The following UBE2E3 variants were observed in gnomAD, a reference collection of about 807,000 sequenced individuals.
UBE2E3 encodes ubiquitin conjugating enzyme E2 E3.
Under a neutral mutation model 23.6 loss-of-function variants are expected in UBE2E3, and 5 were observed. The observed-to-expected ratio is 0.21, with a 90% CI of 0.11 to 0.44. The LOEUF (loss-of-function observed/expected upper bound fraction) is 0.44, where lower values mean the gene tolerates loss of function less well. Among genes scored for constraint, UBE2E3 ranks in the 20% least tolerant of loss-of-function variants. UBE2E3 has a pLI of 0.99. For missense variants in UBE2E3, 81 were observed against 249.8 expected, an observed-to-expected ratio of 0.32 and a Z score of 4.55; for synonymous variants, 78 against 87.5, an observed-to-expected ratio of 0.89 and a Z score of 0.60.
intron 3 of UBE2E3, among the ~76,000 whole-genome samples, chr2:181,007,855 A>ATT (rs1685200568): frequency 6.6e-6 from 1 of 152,236 alleles, no homozygotes. Context: ...AAGAAACTGA[A>ATT]TTTATAATTC....
At chr2:181,045,623 T>C (rs1009396650) in intron 3 of UBE2E3, among the ~76,000 whole-genome samples, 8 of 152,098 alleles carry the variant, frequency 5.3e-5, no homozygotes, top group Non-Finnish European at 1.2e-4. Context: ...TACATCAGAA[T>C]CTCTAGGGGT....
intron 3 of UBE2E3, among the ~76,000 whole-genome samples, chr2:180,997,253 A>AT (rs1043659547): frequency 1.4e-5 from 2 of 145,662 alleles, no homozygotes; most frequent in Non-Finnish European, 3.0e-5. Context: ...ATCTCTATTT[A>AT]TTTTTTTTCT....
chr2:181,013,565 A>G (rs890864492), intron 3 of UBE2E3, among the ~76,000 whole-genome samples: 1 of 151,298 alleles, frequency 6.6e-6, no homozygotes, highest in African/African-American at 2.4e-5. Flanking sequence ...AACTTCCTCT[A>G]GAGTAAGTGA....
chr2:180,997,396 T>A (rs888127712), intron 3 of UBE2E3, among the ~76,000 whole-genome samples: 1 of 152,140 alleles, frequency 6.6e-6, no homozygotes, highest in Non-Finnish European at 1.5e-5. Flanking sequence ...GTTTCTTTTT[T>A]GTTTTGTATG....
chr2:181,017,909 A>G (rs1388389646), intron 3 of UBE2E3, among the ~76,000 whole-genome samples: 1 of 151,340 alleles, frequency 6.6e-6, no homozygotes, highest in East Asian at 1.9e-4. Context: ...GAGGAATCCC[A>G]GCTTCATGTC....
chr2:181,035,544 A>G (rs1386701725), intron 3 of UBE2E3, among the ~76,000 whole-genome samples: 2 of 152,200 alleles, frequency 1.3e-5, no homozygotes, highest in African/African-American at 4.8e-5. Context: ...AAAGCATGCA[A>G]TGCTAAGCTC....
intron 3 of UBE2E3, among the ~76,000 whole-genome samples, chr2:180,988,735 T>A (rs1363154733): frequency 6.6e-6 from 1 of 152,170 alleles, no homozygotes; most frequent in Non-Finnish European, 1.5e-5. Flanking sequence ...TAACATGTGA[T>A]CCCTATATTA....
At chr2:180,993,178 G>A (rs925638413) in intron 3 of UBE2E3, among the ~76,000 whole-genome samples, 1 of 152,172 alleles carries the variant, frequency 6.6e-6, no homozygotes, top group African/African-American at 2.4e-5. Flanking sequence ...GTCGGTAGGT[G>A]GTGATAAAGT....
At chr2:181,014,980 A>G (rs1201247380) in intron 3 of UBE2E3, among the ~76,000 whole-genome samples, 1 of 152,196 alleles carries the variant, frequency 6.6e-6, no homozygotes, top group South Asian at 2.1e-4. Context: ...GAAGGAAGAG[A>G]ACGGTGATGC....
intron 3 of UBE2E3, among the ~76,000 whole-genome samples, chr2:181,048,808 T>G (rs1480994279): frequency 6.6e-6 from 1 of 152,110 alleles, no homozygotes; most frequent in East Asian, 1.9e-4. Context: ...GAGGTTTGGC[T>G]TTACTTTAGA....
intron 3 of UBE2E3, among the ~76,000 whole-genome samples, chr2:180,988,053 G>A (rs1316781764): frequency 1.3e-5 from 2 of 152,042 alleles, no homozygotes; most frequent in African/African-American, 2.4e-5. Flanking sequence ...GGAATATTTC[G>A]GTTCTTCTCC....
chr2:181,033,052 A>G (rs1686134160), intron 3 of UBE2E3, among the ~76,000 whole-genome samples: 1 of 152,158 alleles, frequency 6.6e-6, no homozygotes, highest in Admixed American at 6.6e-5. Context: ...ATGGAAGAAC[A>G]TTCCATGCTC....
intron 3 of UBE2E3, among the ~76,000 whole-genome samples, chr2:181,000,333 A>G (rs967256128): frequency 7.9e-5 from 12 of 152,340 alleles, no homozygotes; most frequent in African/African-American, 2.6e-4. Flanking sequence ...CATAAGATGG[A>G]TGAAAATCTT....
chr2:181,031,996 A>G (rs141806230), intron 3 of UBE2E3, among the ~76,000 whole-genome samples: 4 of 152,298 alleles, frequency 2.6e-5, no homozygotes, highest in African/African-American at 4.8e-5. Flanking sequence ...TGTTCTTACA[A>G]TCTAAGAGTA....
chr2:181,037,259 A>T (rs529058111), intron 3 of UBE2E3, among the ~76,000 whole-genome samples: 11 of 152,284 alleles, frequency 7.2e-5, no homozygotes, highest in Non-Finnish European at 1.3e-4. Context: ...TTATGTATTT[A>T]CTGTACTTTT....
At chr2:181,042,595 A>AT (rs1686548846) in intron 3 of UBE2E3, among the ~76,000 whole-genome samples, 1 of 152,192 alleles carries the variant, frequency 6.6e-6, no homozygotes, top group African/African-American at 2.4e-5. Flanking sequence ...ACTGGAAGTC[A>AT]TGGAACAGGT....
intron 5 of UBE2E3, 39 bp downstream of exon 5, chr2:181,060,851 A>G: frequency 7.1e-7 from 1 of 1,413,498 alleles, no homozygotes; most frequent in South Asian, 1.5e-5. Flanking sequence ...TAAGACTACA[A>G]AAACGAGTGC....
At chr2:181,022,558 A>G (rs1231222674) in intron 3 of UBE2E3, among the ~76,000 whole-genome samples, 1 of 152,174 alleles carries the variant, frequency 6.6e-6, no homozygotes, top group African/African-American at 2.4e-5. Context: ...CCATGCCTGA[A>G]GGAAGCTCAT....
At chr2:181,059,374 A>G (rs1395644235) in intron 4 of UBE2E3, among the ~76,000 whole-genome samples, 1 of 151,776 alleles carries the variant, frequency 6.6e-6, no homozygotes, top group Non-Finnish European at 1.5e-5. Context: ...TGTAAATCAC[A>G]TATGTATTGA....
Sources: allele counts gnomAD v4.1 joint callset (sites outside exome capture counted in the v4.1 genomes callset), GRCh38; gene constraint gnomAD v4.1.1; transcripts MANE v1.5; gene names NCBI Gene and HGNC (gene_info 2026-07-23, HGNC 2026-07-21).